CNTN5: variants seen among roughly 807,000 people sequenced by gnomAD.
CNTN5 encodes contactin 5.
In CNTN5, 77 loss-of-function variants were observed where a neutral mutation model predicts 129.1. The observed-to-expected ratio is 0.60, with a 90% CI of 0.50 to 0.72. The LOEUF is 0.72. Among genes scored for constraint, CNTN5 ranks in the 30% least tolerant of loss-of-function variants. The probability of loss-of-function intolerance (pLI) is 0.00; values close to 1 mark genes in which losing one functional copy is unlikely to be tolerated. For synonymous variants in CNTN5, 509 were observed against 465.6 expected, an observed-to-expected ratio of 1.09 and a Z score of -1.20; for missense variants, 1,478 against 1,328.8, an observed-to-expected ratio of 1.11 and a Z score of -1.75.
At chr11:99,727,467 C>G (rs1011251311) in intron 3 of CNTN5, among the ~76,000 whole-genome samples, 22 of 151,914 alleles carry the variant, frequency 1.4e-4, no homozygotes, top group South Asian at 2.1e-4. Flanking sequence ...AAACCCAAAC[C>G]TTATCACTAA....
chr11:100,341,035 A>T, intron 22 of CNTN5, 58 bp from the exon 23 acceptor site: 1 of 1,230,832 alleles, frequency 8.1e-7, no homozygotes, highest in Non-Finnish European at 1.2e-6. Flanking sequence ...ACAAAGAATT[A>T]AATGAAGAAA....
chr11:100,094,583 T>C (rs1944920109), intron 13 of CNTN5, among the ~76,000 whole-genome samples: 1 of 152,026 alleles, frequency 6.6e-6, no homozygotes, highest in Admixed American at 6.6e-5. Flanking sequence ...TTTTCTGGGT[T>C]CTGAGTACCT....
intron 1 of CNTN5, among the ~76,000 whole-genome samples, chr11:99,176,558 C>G (rs889368619): frequency 6.6e-6 from 1 of 152,172 alleles, no homozygotes; most frequent in Non-Finnish European, 1.5e-5. Flanking sequence ...AATGGCAACT[C>G]CACATGTCCA....
chr11:99,807,101 A>G (rs574658950), intron 3 of CNTN5, among the ~76,000 whole-genome samples: 35 of 150,822 alleles, frequency 2.3e-4, no homozygotes, highest in Admixed American at 6.7e-4. Flanking sequence ...TGTGTCTAAT[A>G]AAGTGCAAAT....
chr11:99,129,332 A>G (rs1591243427), intron 1 of CNTN5, among the ~76,000 whole-genome samples: 1 of 152,192 alleles, frequency 6.6e-6, no homozygotes, highest in South Asian at 2.1e-4. Flanking sequence ...AGCTGAATTG[A>G]CCAGGCAGAA....
chr11:100,089,509 A>G (rs548463220), intron 13 of CNTN5, among the ~76,000 whole-genome samples: 31 of 152,282 alleles, frequency 2.0e-4, no homozygotes, highest in African/African-American at 5.5e-4. Context: ...CCATTCCTCA[A>G]AGACCTACAA....
intron 3 of CNTN5, among the ~76,000 whole-genome samples, chr11:99,785,478 G>T (rs1016806832): frequency 5.9e-5 from 9 of 152,038 alleles, no homozygotes; most frequent in Non-Finnish European, 1.2e-4. Flanking sequence ...CTTTGCCCAT[G>T]CGTATGTCCT....
chr11:99,602,529 C>T (rs1227245298), intron 3 of CNTN5, among the ~76,000 whole-genome samples: 1 of 151,930 alleles, frequency 6.6e-6, no homozygotes, highest in Non-Finnish European at 1.5e-5. Context: ...AGAGCACTAC[C>T]CATATATTAA....
At chr11:100,057,297 C>G (rs1007537635) in intron 9 of CNTN5, among the ~76,000 whole-genome samples, 13 of 148,574 alleles carry the variant, frequency 8.7e-5, no homozygotes, top group African/African-American at 3.2e-4. Flanking sequence ...AATTTAAAAA[C>G]AGAAACTCAT....
At chr11:99,464,777 C>T (rs1565204846) in intron 2 of CNTN5, among the ~76,000 whole-genome samples, 1 of 151,894 alleles carries the variant, frequency 6.6e-6, no homozygotes, top group Non-Finnish European at 1.5e-5. Context: ...CAAATAATAA[C>T]CTATAGGAAA....
At chr11:99,805,777 G>A (rs1946250712) in intron 3 of CNTN5, among the ~76,000 whole-genome samples, 1 of 152,148 alleles carries the variant, frequency 6.6e-6, no homozygotes, top group Admixed American at 6.5e-5. Context: ...ATTTTAATTA[G>A]GTAGCTGATA....
chr11:99,255,951 C>A (rs1004556555), intron 1 of CNTN5, among the ~76,000 whole-genome samples: 2 of 151,874 alleles, frequency 1.3e-5, no homozygotes, highest in Non-Finnish European at 2.9e-5. Flanking sequence ...AATAGTGACA[C>A]CCTGAAATTG....
intron 1 of CNTN5, among the ~76,000 whole-genome samples, chr11:99,185,713 T>C (rs1858311227): frequency 6.6e-6 from 1 of 151,760 alleles, no homozygotes; most frequent in South Asian, 2.1e-4. Context: ...TTGTACTTAG[T>C]TGGAGCTGAA....
intron 3 of CNTN5, among the ~76,000 whole-genome samples, chr11:99,657,082 G>GA (rs928647421): frequency 2.7e-5 from 4 of 148,690 alleles, no homozygotes; most frequent in African/African-American, 9.9e-5. Flanking sequence ...AAAAAAAAGA[G>GA]AAAAAAAATA....
intron 3 of CNTN5, among the ~76,000 whole-genome samples, chr11:99,612,116 C>G (rs117831887): frequency 6.6e-6 from 1 of 152,144 alleles, no homozygotes; most frequent in Admixed American, 6.5e-5. Flanking sequence ...AGTCTTTATA[C>G]TAACTCTGTG....
At chr11:99,217,025 A>G (rs937799570) in intron 1 of CNTN5, among the ~76,000 whole-genome samples, 2 of 152,136 alleles carry the variant, frequency 1.3e-5, no homozygotes, top group African/African-American at 4.8e-5. Context: ...TCTACTAAAC[A>G]TACAAAAATT....
At chr11:99,807,391 G>A (rs865958848) in intron 3 of CNTN5, among the ~76,000 whole-genome samples, 11 of 152,240 alleles carry the variant, frequency 7.2e-5, no homozygotes, top group Middle Eastern at 3.4e-3. Flanking sequence ...GGTTATATAT[G>A]ACAGATAAAT....
chr11:99,214,670 A>G (rs1036091462), intron 1 of CNTN5, among the ~76,000 whole-genome samples: 10 of 152,090 alleles, frequency 6.6e-5, no homozygotes, highest in African/African-American at 2.2e-4. Flanking sequence ...CTCTTAACCA[A>G]TCTGGTGAAA....
intron 2 of CNTN5, among the ~76,000 whole-genome samples, chr11:99,358,061 A>G (rs1000038655): frequency 6.8e-6 from 1 of 146,162 alleles, no homozygotes; most frequent in African/African-American, 2.5e-5. Context: ...TAAGAATGAA[A>G]TTGAATAATA....
Sources: allele counts gnomAD v4.1 joint callset (sites outside exome capture counted in the v4.1 genomes callset), GRCh38; gene constraint gnomAD v4.1.1; transcripts MANE v1.5; gene names NCBI Gene and HGNC (gene_info 2026-07-23, HGNC 2026-07-21).